Variants in IPO5 observed in about 807,000 individuals in gnomAD.
IPO5 encodes importin-5.
Under a neutral mutation model 143.3 loss-of-function variants are expected in IPO5, and 18 were observed. That is an observed-to-expected ratio of 0.13 (90% CI 0.09 to 0.19). The LOEUF (loss-of-function observed/expected upper bound fraction) is 0.19. Among genes scored for constraint, IPO5 ranks in the 10% least tolerant of loss-of-function variants. The pLI is 1.00. For synonymous variants in IPO5, 477 were observed against 465.7 expected, an observed-to-expected ratio of 1.02 and a Z score of -0.31; for missense variants, 1,013 against 1,336.9, an observed-to-expected ratio of 0.76 and a Z score of 3.78.
chr13:97,988,315 C>A (rs1156609741), intron 6 of IPO5, among the ~76,000 whole-genome samples: 1 of 152,214 alleles, frequency 6.6e-6, no homozygotes, highest in South Asian at 2.1e-4. Context: ...GATTCTAACC[C>A]TGATGTCTTC....
chr13:98,019,703 G>A lies in IPO5; in HGVS notation c.2959G>A (p.Val987Ile), dbSNP rs755807651. 6 of 1,613,826 alleles carry A rather than the reference G, an allele frequency of 3.7e-6. No individual in the cohort carries two copies. Among genetic ancestry groups the A allele is most frequent in the Non-Finnish European group, 5.1e-6 (6 of 1,179,820 alleles). The stretch of plus-strand genomic sequence containing the variant: ...AATCATGAAGTTCAAGCCTGACTGT[G>A]TAAACGTTGAAGAGGTCCTTCCACA... ...GKIMKFKPDC[V>I]NVEEVLPHWL... The change falls in exon 27 of 29, where the codon GTA (valine) becomes ATA (isoleucine). Residue 987 changes from valine (V) to isoleucine (I), a missense_variant. Around this residue, in one of 2 missense-constraint regions of IPO5, gnomAD observed 685 missense variants for 994.9 expected, o/e 0.69. Coordinates refer to ENST00000651721, the MANE Select transcript of IPO5 (RefSeq NM_002271.6).
intron 26 of IPO5, among the ~76,000 whole-genome samples, chr13:98,019,232 G>A (rs1322289253): frequency 2.6e-5 from 4 of 152,152 alleles, no homozygotes; most frequent in Non-Finnish European, 4.4e-5. Context: ...GATTACAGGC[G>A]TGAGCCACCA....
intron 2 of IPO5, among the ~76,000 whole-genome samples, chr13:97,954,688 A>C (rs1884342623): frequency 6.6e-6 from 1 of 152,184 alleles, no homozygotes; most frequent in Admixed American, 6.5e-5. Flanking sequence ...TTAATCCCCT[A>C]ACTAGGGGTA....
intron 5 of IPO5, among the ~76,000 whole-genome samples, chr13:97,983,962 CTTCTTTT>C (rs1887090852): frequency 1.3e-5 from 1 of 74,630 alleles, no homozygotes; most frequent in African/African-American, 4.5e-5. Context: ...TATAGGGTAA[CTTCTTTT>C]TTTTTTTTTT....
At chr13:97,964,443 CT>C (rs369952371) in intron 2 of IPO5, among the ~76,000 whole-genome samples, 14,334 of 108,194 alleles carry the variant, frequency 0.13, 347 homozygotes, top group Middle Eastern at 0.19. Context: ...CCATTTCTTT[CT>C]TTTTTTTTTT....
rs1272315516 is a variant in IPO5 at position 98,019,594 on chromosome 13, G to A, written c.2850G>A (p.Leu950=). The A allele has an allele frequency of 1.2e-6, 2 of 1,612,628 alleles. No individual in the cohort carries two copies. Among genetic ancestry groups the A allele is most frequent in the African/African-American group, 1.3e-5 (1 of 75,034 alleles). Residue 950 remains leucine (L), a synonymous_variant, in exon 27 of 29, where the codon CTG becomes CTA. Transcript: ENST00000651721. ...YRPFCTEALP[L]LVRVIQSADS... is the part of the protein sequence containing the mutation. ...TGCTTATTTTAGAAGCACTTCCCCTGCTGGTAAGAGTTATTCAGTCTGCGG... is the reference window on the plus strand; with the variant it reads ...TGCTTATTTTAGAAGCACTTCCCCTACTGGTAAGAGTTATTCAGTCTGCGG...
chr13:98,002,424 T>C, intron 13 of IPO5, 43 bp from the exon 14 acceptor site: 1 of 1,595,924 alleles, frequency 6.3e-7, no homozygotes, highest in East Asian at 2.2e-5. Context: ...ATGACATGTT[T>C]ATAGTGTGTA....
chr13:97,977,456 CACTT>C (rs923065844), intron 4 of IPO5, among the ~76,000 whole-genome samples: 11 of 152,174 alleles, frequency 7.2e-5, no homozygotes, highest in African/African-American at 2.7e-4. Flanking sequence ...GCTTATAATA[CACTT>C]ACTCTGCTCT....
rs752929201 is a variant in IPO5, at chr13:98,002,964, A to G, written c.1424A>G (p.Lys475Arg). Reference protein sequence around the residue: ...ALINFTEDCPKSLLIPYLDNL... With the variant: ...ALINFTEDCPRSLLIPYLDNL... ...ATTAACTTTACTGAAGACTGTCCCA[A>G]GTCACTACTTATTCCATACTTGGAT... The change falls in exon 16 of 29, where the codon AAG becomes AGG. Residue 475 changes from lysine to arginine, a missense_variant. Physicochemically the swap from Lys to Arg is conservative, Grantham distance 26. Around this residue, in one of 2 missense-constraint regions of IPO5, gnomAD observed 685 missense variants for 994.9 expected, o/e 0.69. Transcript: ENST00000651721. 6.2e-7 allele frequency: 1 copy of G among 1,613,994 alleles called. No homozygotes were observed. The highest frequency in any genetic ancestry group is 1.1e-5 in the South Asian group (1 of 91,076).
At chr13:97,998,133 G>A (rs191569296) in intron 12 of IPO5, among the ~76,000 whole-genome samples, 61 of 152,078 alleles carry the variant, frequency 4.0e-4, no homozygotes, top group Admixed American at 2.6e-4. Context: ...CTGCCACCAC[G>A]TCCAGCTAAT....
intron 20 of IPO5, among the ~76,000 whole-genome samples, chr13:98,011,358 T>C (rs1177777293): frequency 6.6e-6 from 1 of 152,148 alleles, no homozygotes; most frequent in East Asian, 1.9e-4. Flanking sequence ...TGGCTTGATC[T>C]CAGCTCACTG....
At chr13:98,008,856 G>A (rs916998006) in intron 18 of IPO5, among the ~76,000 whole-genome samples, 3 of 152,098 alleles carry the variant, frequency 2.0e-5, no homozygotes, top group Admixed American at 2.0e-4. Context: ...ATAAATAATT[G>A]TTGAATTAAA....
intron 7 of IPO5, among the ~76,000 whole-genome samples, chr13:97,989,438 C>T (rs1887643333): frequency 6.6e-6 from 1 of 152,002 alleles, no homozygotes. Context: ...AGTTTCCTCT[C>T]CTTTATTTGG....
intron 26 of IPO5, 28 bp downstream of exon 26, chr13:98,018,732 T>TTA: frequency 6.5e-7 from 1 of 1,535,330 alleles, no homozygotes; most frequent in Non-Finnish European, 9.0e-7. Context: ...GTTACGTGCA[T>TTA]TTCATTCCAG....
intron 5 of IPO5, among the ~76,000 whole-genome samples, chr13:97,982,831 T>C (rs1886967429): frequency 6.6e-6 from 1 of 152,244 alleles, no homozygotes; most frequent in South Asian, 2.1e-4. Context: ...GATTAATGGT[T>C]TTATAAGTAA....
intron 13 of IPO5, among the ~76,000 whole-genome samples, chr13:98,001,478 ACCACG>A (rs1888769216): frequency 6.6e-6 from 1 of 152,128 alleles, no homozygotes; most frequent in African/African-American, 2.4e-5. Flanking sequence ...GGCACATGCC[ACCACG>A]CCCAGCTATT....
At chr13:97,953,946 T>A (rs780985688) in intron 1 of IPO5, 173 bp from the exon 2 acceptor site, 7 of 455,780 alleles carry the variant, frequency 1.5e-5, no homozygotes, top group South Asian at 1.1e-4. Context: ...CAATGACGAT[T>A]TCATGATGGC....
intron 7 of IPO5, 70 bp downstream of exon 7, chr13:97,989,234 AT>A: frequency 1.3e-6 from 1 of 786,550 alleles, no homozygotes; most frequent in Non-Finnish European, 2.1e-6. Context: ...TTAACTGATT[AT>A]TTTAGCCTAA....
At chr13:97,974,868 T>C (rs939657141) in intron 3 of IPO5, among the ~76,000 whole-genome samples, 3 of 152,106 alleles carry the variant, frequency 2.0e-5, no homozygotes, top group African/African-American at 4.8e-5. Context: ...GGCCCAAAAC[T>C]TTCTAAGAGA....
Sources: gnomAD v4.1 joint callset for allele counts (sites outside exome capture counted in the v4.1 genomes callset) on GRCh38, gnomAD v4.1.1 for gene constraint, gnomAD v4.1.1 regional missense constraint, MANE v1.5 for transcripts, NCBI Gene and HGNC (gene_info 2026-07-23, HGNC 2026-07-21) for gene names.